SYCE2: variants seen among roughly 807,000 people sequenced by gnomAD.
SYCE2 encodes the protein synaptonemal complex central element protein 2.
SYCE2 carries 3 observed loss-of-function variants against 27.9 expected under a neutral mutation model. That is an observed-to-expected ratio of 0.11 (90% CI 0.05 to 0.28). The LOEUF (loss-of-function observed/expected upper bound fraction) is 0.28, where lower values mean the gene tolerates loss of function less well. Among genes scored for constraint, SYCE2 ranks in the 10% least tolerant of loss-of-function variants. The pLI, the probability that SYCE2 is intolerant of heterozygous loss-of-function variation, is 1.00. For missense variants in SYCE2, 207 were observed against 263.5 expected (o/e 0.79, Z 1.48); for synonymous variants, 85 against 100.7 (o/e 0.84, Z 0.93).
At position 12,909,843 on chromosome 19, in the gene SYCE2, G is replaced by C. The variant is rs190608094; in HGVS notation, c.132-5177C>G. Among the ~76,000 whole-genome samples the C allele has an allele frequency of 4.3e-4, 65 of 152,058 alleles. No homozygotes were observed. The East Asian group carries it at 0.013, about 29-fold the overall frequency. ...GGCCTCTCAAAGTGCTGGGATTACA[G>C]GCATGAACCACTGTGCCCAGCCTTT... On this transcript the variant is annotated intron_variant, in intron 2 of 5. Coordinates refer to ENST00000293695, the MANE Select transcript of SYCE2 (RefSeq NM_001105578.2).
intron 3 of SYCE2, among the ~76,000 whole-genome samples, chr19:12,902,623 G>A (rs1197548822): frequency 6.6e-6 from 1 of 152,024 alleles, no homozygotes. Flanking sequence ...GCAACAGAGT[G>A]AGACGCCACC....
chr19:12,902,428 G>A (rs1452114280), intron 3 of SYCE2, among the ~76,000 whole-genome samples: 3 of 152,078 alleles, frequency 2.0e-5, no homozygotes, highest in Admixed American at 6.6e-5. Context: ...AGGAGTTCAA[G>A]ACCAGCCTGG....
In SYCE2 at chr19:12,899,293, A is replaced by G; in HGVS notation, c.*48T>C. ...AGTGTGGCCCAAATGGTGGCCTCAC[A>G]GTCTTCTCCTGGAGACTGTCACTAA... On this transcript the variant is annotated 3_prime_UTR_variant, in exon 6 of 6. Coordinates refer to ENST00000293695, the MANE Select transcript of SYCE2 (RefSeq NM_001105578.2). 1 of 1,523,416 alleles carries G rather than the reference A, an allele frequency of 6.6e-7. No individual in the cohort carries two copies. The highest frequency in any genetic ancestry group is 9.1e-7 in the Non-Finnish European group (1 of 1,097,434). 94.4% of individuals were successfully genotyped at this position (1,523,416 alleles called of 1,614,324 possible).
intron 3 of SYCE2, among the ~76,000 whole-genome samples, chr19:12,901,169 A>AGAAT (rs1970829370): frequency 7.1e-6 from 1 of 140,752 alleles, no homozygotes; most frequent in Non-Finnish European, 1.5e-5. Context: ...ACTCCATCTC[A>AGAAT]AAATAAATAA....
intron 2 of SYCE2, among the ~76,000 whole-genome samples, chr19:12,906,597 C>T (rs1312374927): frequency 6.6e-6 from 1 of 152,120 alleles, no homozygotes; most frequent in East Asian, 1.9e-4. Flanking sequence ...TCTGCCAAGG[C>T]CTTGTTCTCT....
rs748639198 is a variant in SYCE2 at position 12,899,701 on chromosome 19, C to T, written c.612+303G>A. On this transcript the variant is annotated intron_variant, in intron 5 of 5. Coordinates refer to ENST00000293695, the MANE Select transcript of SYCE2 (RefSeq NM_001105578.2). ...AATATCAAAATTTCCCTTCTGAAGT[C>T]GTTCAGATGTGTTCCTTAAAAAGAA... 9 of 1,611,552 alleles carry T rather than the reference C, an allele frequency of 5.6e-6. No homozygotes were observed. The East Asian group carries it at 6.7e-5, about 12-fold the overall frequency.
At chr19:12,900,356 G>C in intron 4 of SYCE2, 104 bp downstream of exon 4, 18 of 1,291,574 alleles carry the variant, frequency 1.4e-5, no homozygotes, top group Non-Finnish European at 1.9e-5. Flanking sequence ...CTGTGGCCTG[G>C]CGGGGTCAGG....
chr19:12,910,834 C>T (rs1233640126), intron 2 of SYCE2, among the ~76,000 whole-genome samples: 3 of 151,862 alleles, frequency 2.0e-5, no homozygotes, highest in South Asian at 4.2e-4. Context: ...CCCGCCACCA[C>T]ACCTGGCTAA....
At chr19:12,904,374 C>T in intron 3 of SYCE2, 118 bp downstream of exon 3, 1 of 1,227,670 alleles carries the variant, frequency 8.1e-7, no homozygotes, top group South Asian at 1.4e-5. Flanking sequence ...TGGAGGAGCT[C>T]CTGTGCTGTG....
chr19:12,906,253 A>G (rs577164894), intron 2 of SYCE2: 2 of 152,276 alleles, frequency 1.3e-5, no homozygotes, highest in African/African-American at 4.8e-5. Flanking sequence ...GTGTACCTGC[A>G]CCTCCTTGCT....
rs569203348 is a variant in SYCE2, at chr19:12,900,215, G to T, written c.496-95C>A. 4 of 1,420,196 alleles carry T rather than the reference G, an allele frequency of 2.8e-6. No individual in the cohort carries two copies. In the East Asian group the frequency reaches 6.9e-5, roughly 25 times the overall value. 88.0% of individuals were successfully genotyped at this position (1,420,196 alleles called of 1,614,324 possible). A position where few individuals can be genotyped will look rare whatever the true frequency, so the allele number is the denominator to read the frequency against. On this transcript the variant is annotated intron_variant, in intron 4 of 5. Coordinates refer to ENST00000293695, the MANE Select transcript of SYCE2 (RefSeq NM_001105578.2). ...GAGTGGCAGGGGTGCAAGGGACTTT[G>T]TCCTTTCTGTCACCACAGAGCTGCT...
chr19:12,907,603 C>T (rs1970960104), intron 2 of SYCE2, among the ~76,000 whole-genome samples: 1 of 151,382 alleles, frequency 6.6e-6, no homozygotes, highest in South Asian at 2.1e-4. Context: ...TCAGCCTGGC[C>T]AACATGGTGA....
intron 2 of SYCE2, among the ~76,000 whole-genome samples, chr19:12,908,576 A>G (rs1970985248): frequency 6.6e-6 from 1 of 151,926 alleles, no homozygotes; most frequent in Non-Finnish European, 1.5e-5. Flanking sequence ...TGCCCACCTC[A>G]GCCTCTCAAA....
At chr19:12,918,516 A>C (rs923900305) in intron 1 of SYCE2, among the ~76,000 whole-genome samples, 179 bp from the exon 2 acceptor site, 1 of 151,942 alleles carries the variant, frequency 6.6e-6, no homozygotes, top group Non-Finnish European at 1.5e-5. Context: ...GGGTGAAAGG[A>C]CACTCTGTCC....
intron 3 of SYCE2, among the ~76,000 whole-genome samples, chr19:12,900,973 A>T (rs1365819839): frequency 6.6e-6 from 1 of 152,048 alleles, no homozygotes; most frequent in Non-Finnish European, 1.5e-5. Flanking sequence ...AGGTCAGGAG[A>T]TCGAGACCAC....
intron 3 of SYCE2, among the ~76,000 whole-genome samples, chr19:12,901,086 G>A (rs546098712): frequency 3.0e-4 from 45 of 151,058 alleles, no homozygotes; most frequent in Middle Eastern, 3.5e-3. Flanking sequence ...GGAGAATGGC[G>A]TGAACCCGGG....
At chr19:12,912,841 A>T (rs1465497798) in intron 2 of SYCE2, among the ~76,000 whole-genome samples, 1 of 151,614 alleles carries the variant, frequency 6.6e-6, no homozygotes, top group South Asian at 2.1e-4. Flanking sequence ...AAAGGCCTGC[A>T]TCAGATGTCT....
chr19:12,915,459 A>G (rs1971120255), intron 2 of SYCE2, among the ~76,000 whole-genome samples: 1 of 151,578 alleles, frequency 6.6e-6, no homozygotes, highest in Non-Finnish European at 1.5e-5. Context: ...AAAAAAAGCC[A>G]GGCCTGGTGG....
At position 12,919,246 on chromosome 19, in the gene SYCE2, C is replaced by G. The variant is rs1367356118; in HGVS notation, c.12G>C (p.Gln4His). The G allele has an allele frequency of 6.2e-7, 1 of 1,611,440 alleles. No individual in the cohort carries two copies. The highest frequency in any genetic ancestry group is 8.5e-7 in the Non-Finnish European group (1 of 1,180,012). ...GAAGGAAACAAGCGCCGCGTACTCC[C>G]TGTCGCTCCATTCCGTATTTTCCCG... MER[Q>H]GVDVPHVKCK... The change falls in exon 1 of 6, where the codon CAG (glutamine) becomes CAC (histidine). Residue 4 changes from glutamine (Q) to histidine (H), a missense_variant. Physicochemically the swap from Gln to His is conservative, Grantham distance 24. Coordinates refer to ENST00000293695, the MANE Select transcript of SYCE2 (RefSeq NM_001105578.2).
Sources: gnomAD v4.1 joint callset for allele counts (sites outside exome capture counted in the v4.1 genomes callset) on GRCh38, gnomAD v4.1.1 for gene constraint, MANE v1.5 for transcripts, NCBI Gene and HGNC (gene_info 2026-07-23, HGNC 2026-07-21) for gene names.